WDR19: variants seen among roughly 807,000 people sequenced by gnomAD.
The protein encoded by WDR19 is WD repeat domain 19, also known as WD repeat-containing protein 19.
In WDR19, 121 loss-of-function variants were observed where a neutral mutation model predicts 180.0. That is an observed-to-expected ratio of 0.67 (90% CI 0.58 to 0.78). The LOEUF (loss-of-function observed/expected upper bound fraction) is 0.78. Ranked by LOEUF, WDR19 falls within the 30% of genes least tolerant of loss-of-function variation. The pLI, the probability that WDR19 is intolerant of heterozygous loss-of-function variation, is 0.00. For synonymous variants in WDR19, 497 were observed against 540.7 expected (o/e 0.92, Z 1.12); for missense variants, 1,450 against 1,640.7 (o/e 0.88, Z 2.01).
intron 20 of WDR19, chr4:39,237,636 A>G (rs1049886421): frequency 6.6e-6 from 1 of 152,194 alleles, no homozygotes; most frequent in Non-Finnish European, 1.5e-5. Context: ...CAGATTAAAA[A>G]CATTATAGAG....
At chr4:39,187,078 G>A (rs867742776) in intron 3 of WDR19, among the ~76,000 whole-genome samples, 1 of 152,044 alleles carries the variant, frequency 6.6e-6, no homozygotes, top group South Asian at 2.1e-4. Context: ...ATGATTCAGT[G>A]TAATCACTAC....
chr4:39,239,664 C>A (rs888671309), intron 20 of WDR19, among the ~76,000 whole-genome samples: 1 of 151,940 alleles, frequency 6.6e-6, no homozygotes, highest in African/African-American at 2.4e-5. Flanking sequence ...CGTGTACCCC[C>A]GAATTTAAAA....
chr4:39,202,765 T>A (rs1245233323), intron 6 of WDR19, among the ~76,000 whole-genome samples: 1 of 152,128 alleles, frequency 6.6e-6, no homozygotes, highest in African/African-American at 2.4e-5. Context: ...TAGTCATTTT[T>A]AAAATATTTA....
At chr4:39,210,364 A>T (rs1236086573) in intron 9 of WDR19, among the ~76,000 whole-genome samples, 2 of 152,254 alleles carry the variant, frequency 1.3e-5, no homozygotes, top group Non-Finnish European at 2.9e-5. Context: ...TGAAAATATC[A>T]AATGGTTCAA....
At chr4:39,200,907 C>A (rs1727299687) in intron 6 of WDR19, among the ~76,000 whole-genome samples, 2 of 152,084 alleles carry the variant, frequency 1.3e-5, no homozygotes. Context: ...TTTTGTGGTA[C>A]AAATTACCTG....
intron 13 of WDR19, 89 bp downstream of exon 13, chr4:39,217,329 G>A: frequency 9.1e-7 from 1 of 1,095,216 alleles, no homozygotes; most frequent in Admixed American, 2.1e-5. Flanking sequence ...CAGGAAGCAA[G>A]GATGTACAGA....
At chr4:39,281,205 A>ATGTGTGTGTGTGTGTGTGTGTG (rs144111830) in intron 36 of WDR19, among the ~76,000 whole-genome samples, 4 of 110,416 alleles carry the variant, frequency 3.6e-5, no homozygotes, top group African/African-American at 1.9e-4. Flanking sequence ...CTAAATATAT[A>ATGTGTGTGTGTGTGTGTGTGTG]TGTGTGTGTG....
At chr4:39,212,821 T>C (rs559816676) in intron 9 of WDR19, among the ~76,000 whole-genome samples, 1 of 152,322 alleles carries the variant, frequency 6.6e-6, no homozygotes, top group African/African-American at 2.4e-5. Context: ...TGTTTAAATG[T>C]CAATTATCTA....
At chr4:39,205,448 G>A in intron 8 of WDR19, 115 bp from the exon 9 acceptor site, 2 of 1,280,110 alleles carry the variant, frequency 1.6e-6, no homozygotes, top group Admixed American at 2.7e-5. Context: ...CACAAAGTAG[G>A]CCCTTGATAA....
At chr4:39,206,729 T>A (rs1309584917) in intron 9 of WDR19, among the ~76,000 whole-genome samples, 2 of 152,182 alleles carry the variant, frequency 1.3e-5, no homozygotes, top group African/African-American at 4.8e-5. Context: ...AACTGAGACA[T>A]AGATCATAGC....
At chr4:39,248,679 CA>C (rs557161657) in intron 24 of WDR19, among the ~76,000 whole-genome samples, 3 of 150,698 alleles carry the variant, frequency 2.0e-5, no homozygotes, top group African/African-American at 7.3e-5. Flanking sequence ...AAATGGAAAA[CA>C]AAAAAAAGGC....
chr4:39,229,921 C>T (rs1730665444), intron 17 of WDR19, among the ~76,000 whole-genome samples: 1 of 152,154 alleles, frequency 6.6e-6, no homozygotes, highest in Non-Finnish European at 1.5e-5. Flanking sequence ...CACACATATA[C>T]ACCAGCTCCT....
chr4:39,215,792 C>CA, intron 10 of WDR19, 49 bp from the exon 11 acceptor site: 2 of 1,511,058 alleles, frequency 1.3e-6, no homozygotes, highest in Non-Finnish European at 1.8e-6. Context: ...TTGCTGCCTG[C>CA]AACTATATAT....
intron 27 of WDR19, 112 bp downstream of exon 27, chr4:39,256,072 C>T (rs1435528005): frequency 2.3e-6 from 1 of 427,206 alleles, no homozygotes; most frequent in Admixed American, 3.8e-5. Context: ...GTAACTCCCA[C>T]TCAGATTTGA....
At chr4:39,244,938 CTT>C (rs72240523) in intron 23 of WDR19, among the ~76,000 whole-genome samples, 17 of 115,266 alleles carry the variant, frequency 1.5e-4, no homozygotes, top group Middle Eastern at 4.2e-3. Flanking sequence ...TTTTTTTTTT[CTT>C]TTTTTTTTTT....
chr4:39,215,961 T>C lies in WDR19; in HGVS notation c.1082T>C (p.Ile361Thr). The change falls in exon 11 of 37, where the codon ATT (isoleucine) becomes ACT (threonine). Residue 361 changes from isoleucine to threonine, a missense_variant. By Grantham distance (89) the Ile-to-Thr change is moderately conservative. Coordinates refer to ENST00000399820, the MANE Select transcript of WDR19 (RefSeq NM_025132.4). ...CTTGGGGATGCCTGCAGCACAAGGA[T>C]TGCCTATCTCACCTCCCTCCTTGAA... ...PILGDACSTR[I>T]AYLTSLLEVT... The C allele has an allele frequency of 6.2e-7, 1 of 1,613,056 alleles. No individual in the cohort carries two copies. The highest frequency in any genetic ancestry group is 8.5e-7 in the Non-Finnish European group (1 of 1,179,468).
intron 28 of WDR19, among the ~76,000 whole-genome samples, chr4:39,258,582 C>G (rs1311474640): frequency 1.1e-4 from 16 of 152,146 alleles, no homozygotes; most frequent in Admixed American, 1.0e-3. Flanking sequence ...AATAAAGCTG[C>G]ACTAAAGCTG....
At chr4:39,228,129 G>A in intron 15 of WDR19, 81 bp from the exon 16 acceptor site, 2 of 1,516,580 alleles carry the variant, frequency 1.3e-6, no homozygotes, top group Non-Finnish European at 1.8e-6. Flanking sequence ...GCCAGCTAAG[G>A]CTGCAAACAG....
chr4:39,236,329 A>G (rs1731375999), intron 20 of WDR19, among the ~76,000 whole-genome samples: 1 of 152,094 alleles, frequency 6.6e-6, no homozygotes. Context: ...CTCAGCCATA[A>G]AACAAGAATA....
Sources: gnomAD v4.1 joint callset for allele counts (sites outside exome capture counted in the v4.1 genomes callset) on GRCh38, gnomAD v4.1.1 for gene constraint, MANE v1.5 for transcripts, NCBI Gene and HGNC (gene_info 2026-07-23, HGNC 2026-07-21) for gene names.